ROBO2: variants seen among roughly 807,000 people sequenced by gnomAD.
ROBO2 encodes roundabout guidance receptor 2.
A neutral mutation model predicts 160.8 loss-of-function variants in ROBO2; 53 were observed. The ratio of observed to expected loss-of-function variants is 0.33; its 90% CI spans 0.26 to 0.41. The LOEUF (loss-of-function observed/expected upper bound fraction) is 0.41. Ranked by LOEUF, ROBO2 falls within the 10% of genes least tolerant of loss-of-function variation. ROBO2 has a pLI of 1.00. For missense variants in ROBO2, 1,577 were observed against 1,722.4 expected (o/e 0.92, Z 1.49); for synonymous variants, 664 against 611.7 (o/e 1.09, Z -1.26).
chr3:77,092,786 C>T (rs1034279601), intron 1 of ROBO2, among the ~76,000 whole-genome samples: 21 of 150,218 alleles, frequency 1.4e-4, no homozygotes, highest in Non-Finnish European at 2.4e-4. Flanking sequence ...CTTAGTATAT[C>T]TGTTCTAATA....
chr3:77,289,298 T>A (rs191369880), intron 2 of ROBO2, among the ~76,000 whole-genome samples: 39 of 152,242 alleles, frequency 2.6e-4, no homozygotes, highest in African/African-American at 8.7e-4. Context: ...AATTGACGGT[T>A]AAATGGGTAA....
intron 2 of ROBO2, among the ~76,000 whole-genome samples, chr3:76,636,996 C>G (rs1328663219): frequency 6.6e-6 from 1 of 152,010 alleles, no homozygotes; most frequent in African/African-American, 2.4e-5. Context: ...AGAGTGAGCC[C>G]TGATGATTTC....
In ROBO2 at chr3:76,667,838, CTG is replaced by C. The variant is rs572337605; in HGVS notation, c.110-430174_110-430173del. 9.2e-4 allele frequency among the ~76,000 whole-genome samples: 139 copies of C among 151,848 alleles called. 2 individuals carry two copies. Among genetic ancestry groups the C allele is most frequent in the Non-Finnish European group, 1.6e-4 (11 of 67,940 alleles). On this transcript the variant is annotated intron_variant, in intron 2 of 26. Coordinates refer to the ROBO2 transcript ENST00000487694. The stretch of plus-strand genomic sequence containing the variant: ...ATTTCATAAGATTACATAAAAACGA[CTG>C]TAGTTATAACAAATATTCTACAGCA...
Position 77,458,510 on chromosome 3 carries a change from A to G in ROBO2, c.389-18904A>G, listed in dbSNP as rs543095617. Among the ~76,000 whole-genome samples, 3 of 152,244 alleles carry G rather than the reference A, an allele frequency of 2.0e-5. No individual in the cohort carries two copies. In the East Asian group the frequency reaches 5.8e-4, roughly 29 times the overall value. ...CGCATACCTATTAGGAAAAGGTGCC[A>G]TAGTTGGTTATACAGAAGAAGAATG... On this transcript the variant is annotated intron_variant, in intron 2 of 25. Coordinates refer to ENST00000461745, the Ensembl canonical transcript of ROBO2.
At chr3:77,122,309 C>G (rs924088912) in intron 2 of ROBO2, among the ~76,000 whole-genome samples, 1 of 152,108 alleles carries the variant, frequency 6.6e-6, no homozygotes, top group African/African-American at 2.4e-5. Flanking sequence ...AATGTAGACT[C>G]TTTGATTTGT....
In ROBO2 at chr3:77,305,454, T is replaced by G. The variant is rs182512362; in HGVS notation, c.389-171960T>G. Among the ~76,000 whole-genome samples, 58 of 152,276 alleles carry G rather than the reference T, an allele frequency of 3.8e-4. 1 individual carries two copies. The highest frequency in any genetic ancestry group is 1.3e-3 in the African/African-American group (55 of 41,546). ...ACAGCAATACATCAGCAATCTAAGC[T>G]GACACATTTGAGGATGGTGTTCTCA... On this transcript the variant is annotated intron_variant, in intron 2 of 25. Transcript: ENST00000461745.
intron 2 of ROBO2, among the ~76,000 whole-genome samples, chr3:77,459,843 C>G (rs2082053895): frequency 6.8e-6 from 1 of 146,876 alleles, no homozygotes. Context: ...AGGAAGGGAG[C>G]AGAAGGGGTA....
intron 2 of ROBO2, among the ~76,000 whole-genome samples, chr3:76,730,261 C>T (rs1303577046): frequency 1.1e-4 from 11 of 96,746 alleles, no homozygotes; most frequent in East Asian, 3.3e-4. Context: ...CCCGCTTCTC[C>T]TCACCTCCTA....
At chr3:76,714,389 T>G (rs1474584054) in intron 2 of ROBO2, among the ~76,000 whole-genome samples, 1 of 152,134 alleles carries the variant, frequency 6.6e-6, no homozygotes, top group Non-Finnish European at 1.5e-5. Flanking sequence ...AGTATCATTA[T>G]TTACAATTGG....
chr3:76,613,110 C>A, intron 2 of ROBO2, among the ~76,000 whole-genome samples: 1 of 152,042 alleles, frequency 6.6e-6, no homozygotes, highest in Non-Finnish European at 1.5e-5. Context: ...TATTCAATGT[C>A]ATTATTGAAA....
At chr3:77,343,066 G>GAC (rs1233287822) in intron 2 of ROBO2, among the ~76,000 whole-genome samples, 1 of 95,206 alleles carries the variant, frequency 1.1e-5, no homozygotes, top group Non-Finnish European at 2.6e-5. Context: ...TGGAGAGAGA[G>GAC]AGAGAGAGAG....
At chr3:76,136,819 AAAG>A (rs1465309243) in intron 2 of ROBO2, among the ~76,000 whole-genome samples, 1 of 152,058 alleles carries the variant, frequency 6.6e-6, no homozygotes, top group African/African-American at 2.4e-5. Flanking sequence ...CCTGTACAAA[AAAG>A]AAGCCACAAA....
intron 2 of ROBO2, among the ~76,000 whole-genome samples, chr3:77,107,210 G>C (rs563699012): frequency 2.6e-5 from 4 of 152,090 alleles, no homozygotes; most frequent in Admixed American, 1.3e-4. Context: ...TCTTCCAAAC[G>C]CTCCACCTTC....
At chr3:77,573,897 C>A (rs1021141315) in intron 13 of ROBO2, among the ~76,000 whole-genome samples, 2 of 151,528 alleles carry the variant, frequency 1.3e-5, no homozygotes, top group Non-Finnish European at 2.9e-5. Context: ...ATTATTAGAC[C>A]ACTCCTACCT....
intron 2 of ROBO2, among the ~76,000 whole-genome samples, chr3:77,181,569 C>A (rs1048492141): frequency 6.6e-6 from 1 of 151,934 alleles, no homozygotes; most frequent in Non-Finnish European, 1.5e-5. Flanking sequence ...GCCTAGGATC[C>A]CTTAGATGTG....
At chr3:76,658,939 T>C (rs2091698708) in intron 2 of ROBO2, among the ~76,000 whole-genome samples, 1 of 152,168 alleles carries the variant, frequency 6.6e-6, no homozygotes, top group African/African-American at 2.4e-5. Flanking sequence ...TAGTAGTTAT[T>C]ATGCTTTCAT....
At chr3:76,173,443 C>T (rs1345135671) in intron 2 of ROBO2, among the ~76,000 whole-genome samples, 2 of 151,814 alleles carry the variant, frequency 1.3e-5, no homozygotes, top group African/African-American at 4.8e-5. Flanking sequence ...TTTGCTGCAC[C>T]TGTCAATCCG....
chr3:77,065,414 A>G (rs2066738085), intron 1 of ROBO2, among the ~76,000 whole-genome samples: 1 of 152,102 alleles, frequency 6.6e-6, no homozygotes, highest in Admixed American at 6.6e-5. Flanking sequence ...AAAATATCCT[A>G]TTGTTTCTCT....
At chr3:76,017,739 A>C (rs555668603) in intron 2 of ROBO2, among the ~76,000 whole-genome samples, 3 of 152,116 alleles carry the variant, frequency 2.0e-5, no homozygotes, top group Non-Finnish European at 4.4e-5. Context: ...AAGTTTCTAC[A>C]TTTCAAATAA....
Sources: allele counts gnomAD v4.1 joint callset (sites outside exome capture counted in the v4.1 genomes callset), GRCh38; gene constraint gnomAD v4.1.1; transcripts MANE v1.5; gene names NCBI Gene and HGNC (gene_info 2026-07-23, HGNC 2026-07-21).